Variants in ANGPT1 observed in about 807,000 individuals in gnomAD.
ANGPT1 encodes angiopoietin-1.
A neutral mutation model predicts 62.2 loss-of-function variants in ANGPT1; 17 were observed. The ratio of observed to expected loss-of-function variants is 0.27; its 90% CI spans 0.19 to 0.41. The LOEUF is 0.41. Among genes scored for constraint, ANGPT1 ranks in the 10% least tolerant of loss-of-function variants. ANGPT1 has a pLI of 1.00. For synonymous variants in ANGPT1, 199 were observed against 198.9 expected, an observed-to-expected ratio of 1.00 and a Z score of 0.00; for missense variants, 478 against 594.9, an observed-to-expected ratio of 0.80 and a Z score of 2.04.
At chr8:107,403,479 G>A (rs1030416946) in intron 1 of ANGPT1, among the ~76,000 whole-genome samples, 1 of 151,984 alleles carries the variant, frequency 6.6e-6, no homozygotes, top group Non-Finnish European at 1.5e-5. Flanking sequence ...CAGAAATTTT[G>A]GTGTCTAAAA....
chr8:107,477,342 G>T (rs1812560389), intron 1 of ANGPT1, among the ~76,000 whole-genome samples: 1 of 152,174 alleles, frequency 6.6e-6, no homozygotes, highest in Non-Finnish European at 1.5e-5. Flanking sequence ...TCATGATATT[G>T]TAACAGAACT....
At chr8:107,304,353 A>G (rs1311298810) in intron 4 of ANGPT1, among the ~76,000 whole-genome samples, 2 of 151,724 alleles carry the variant, frequency 1.3e-5, no homozygotes, top group Non-Finnish European at 2.9e-5. Flanking sequence ...TCTATTATGT[A>G]TTATTTTAGT....
chr8:107,455,353 A>T (rs1005570842), intron 1 of ANGPT1, among the ~76,000 whole-genome samples: 5 of 152,112 alleles, frequency 3.3e-5, no homozygotes, highest in African/African-American at 1.2e-4. Flanking sequence ...GTTGTCTTAC[A>T]TATTAAACTA....
At chr8:107,440,094 T>C (rs1273869510) in intron 1 of ANGPT1, among the ~76,000 whole-genome samples, 1 of 152,074 alleles carries the variant, frequency 6.6e-6, no homozygotes, top group Non-Finnish European at 1.5e-5. Flanking sequence ...GTAAAGATGT[T>C]CCATAAACAG....
At chr8:107,287,477 A>C (rs1814170387) in intron 6 of ANGPT1, among the ~76,000 whole-genome samples, 1 of 152,224 alleles carries the variant, frequency 6.6e-6, no homozygotes, top group Non-Finnish European at 1.5e-5. Context: ...AAAACTGTCC[A>C]AGCATGCTCT....
At chr8:107,300,098 T>C (rs1814549291) in intron 5 of ANGPT1, among the ~76,000 whole-genome samples, 2 of 144,916 alleles carry the variant, frequency 1.4e-5, no homozygotes, top group East Asian at 2.1e-4. Flanking sequence ...TCTATATATA[T>C]CTCTATATAT....
Position 107,487,753 on chromosome 8 carries a change from T to A in ANGPT1, c.297+9509A>T, listed in dbSNP as rs141157716. ...AGTGTCTTAAAAAACACAAAAATACTGGCACATGTGTACAAGAAAATAGCA... is the reference window on the plus strand; with the variant it reads ...AGTGTCTTAAAAAACACAAAAATACAGGCACATGTGTACAAGAAAATAGCA... On this transcript the variant is annotated intron_variant, in intron 1 of 8. Transcript: ENST00000517746. 5.1e-4 allele frequency among the ~76,000 whole-genome samples: 78 copies of A among 152,284 alleles called. 2 individuals are homozygous for A. Among genetic ancestry groups the A allele is most frequent in the Admixed American group, 4.4e-3 (67 of 15,294 alleles).
At chr8:107,396,517 C>CTTTTTTTTTTTTT (rs10686360) in intron 1 of ANGPT1, among the ~76,000 whole-genome samples, 3 of 84,830 alleles carry the variant, frequency 3.5e-5, no homozygotes, top group African/African-American at 4.6e-5. Context: ...TCTTTTCTCT[C>CTTTTTTTTTTTTT]TTTTTTTTTT....
At chr8:107,456,279 A>G (rs1226376440) in intron 1 of ANGPT1, among the ~76,000 whole-genome samples, 1 of 152,070 alleles carries the variant, frequency 6.6e-6, no homozygotes, top group Non-Finnish European at 1.5e-5. Context: ...AGATGTTTGC[A>G]TAATCTTTTC....
intron 4 of ANGPT1, among the ~76,000 whole-genome samples, chr8:107,310,055 T>A (rs534837863): frequency 2.0e-5 from 3 of 152,266 alleles, no homozygotes; most frequent in Non-Finnish European, 4.4e-5. Flanking sequence ...AAAAAGAACT[T>A]CTTTGCTCTC....
At chr8:107,489,523 C>A (rs1812901839) in intron 1 of ANGPT1, among the ~76,000 whole-genome samples, 1 of 152,184 alleles carries the variant, frequency 6.6e-6, no homozygotes. Context: ...TGTTCAAAAT[C>A]ACCTTTTCAT....
At chr8:107,480,973 A>C (rs1253503182) in intron 1 of ANGPT1, among the ~76,000 whole-genome samples, 1 of 152,178 alleles carries the variant, frequency 6.6e-6, no homozygotes, top group African/African-American at 2.4e-5. Context: ...TGGATCTTCA[A>C]GGCATTTTAT....
intron 7 of ANGPT1, among the ~76,000 whole-genome samples, chr8:107,268,147 A>G (rs2130055911): frequency 6.6e-6 from 1 of 152,260 alleles, no homozygotes; most frequent in South Asian, 2.1e-4. Context: ...AATCTTGAAC[A>G]GTCTCTGAGA....
intron 7 of ANGPT1, among the ~76,000 whole-genome samples, chr8:107,274,865 T>C (rs940300163): frequency 5.3e-5 from 8 of 152,138 alleles, no homozygotes; most frequent in African/African-American, 1.9e-4. Context: ...CCAAGCATTG[T>C]GAAGAGGTTC....
chr8:107,276,471 T>A (rs1194568752), intron 7 of ANGPT1, among the ~76,000 whole-genome samples: 1 of 151,986 alleles, frequency 6.6e-6, no homozygotes, highest in Non-Finnish European at 1.5e-5. Context: ...ATAAGAAACA[T>A]TTCACTGAAA....
At chr8:107,286,689 A>G (rs1814149645) in intron 6 of ANGPT1, among the ~76,000 whole-genome samples, 1 of 152,160 alleles carries the variant, frequency 6.6e-6, no homozygotes, top group South Asian at 2.1e-4. Context: ...GATTGCATTG[A>G]GTATATACTC....
At chr8:107,374,636 C>T (rs1174008956) in intron 1 of ANGPT1, among the ~76,000 whole-genome samples, 1 of 152,188 alleles carries the variant, frequency 6.6e-6, no homozygotes, top group Non-Finnish European at 1.5e-5. Flanking sequence ...TCTGTCTGGT[C>T]GCAAATTGCC....
chr8:107,483,310 G>A (rs1346814945), intron 1 of ANGPT1, among the ~76,000 whole-genome samples: 2 of 152,082 alleles, frequency 1.3e-5, no homozygotes, highest in African/African-American at 2.4e-5. Context: ...TTGACAGGAA[G>A]ACTTCTTAGT....
chr8:107,441,944 G>C (rs1051880895), intron 1 of ANGPT1, among the ~76,000 whole-genome samples: 6 of 152,016 alleles, frequency 3.9e-5, no homozygotes, highest in Admixed American at 6.6e-5. Context: ...ATTAGGCAGG[G>C]GTAGTGGCGC....
Sources: gnomAD v4.1 joint callset for allele counts (sites outside exome capture counted in the v4.1 genomes callset) on GRCh38, gnomAD v4.1.1 for gene constraint, MANE v1.5 for transcripts, NCBI Gene and HGNC (gene_info 2026-07-23, HGNC 2026-07-21) for gene names.